DAB1: variants seen among roughly 807,000 people sequenced by gnomAD.
DAB1 encodes disabled homolog 1.
Under a neutral mutation model 64.6 loss-of-function variants are expected in DAB1, and 15 were observed. The ratio of observed to expected loss-of-function variants is 0.23; its 90% CI spans 0.16 to 0.36. The LOEUF (loss-of-function observed/expected upper bound fraction) is 0.36. DAB1 is among the 10% of genes least tolerant of loss of function. DAB1 has a pLI of 1.00. For missense variants in DAB1, 596 were observed against 706.7 expected (o/e 0.84, Z 1.78); for synonymous variants, 235 against 251.9 (o/e 0.93, Z 0.64).
rs1647024185 is a variant in DAB1, at chr1:57,033,307, T to C, written c.724-7264A>G. On this transcript the variant is annotated intron_variant, in intron 9 of 14. Coordinates refer to ENST00000371236, the MANE Select transcript of DAB1 (RefSeq NM_001365792.1). ...AGCAGGGCAGGAAATCTGCCATTCA[T>C]GCAAGCTGGATGAAGAGAATATGGA... The C allele has an allele frequency of 4.8e-6, 7 of 1,472,726 alleles. No homozygotes were observed. The Admixed American group carries it at 1.0e-4, about 21-fold the overall frequency. The allele number at this position is 1,472,726 out of a possible 1,614,324, so 91.2% of individuals were successfully genotyped here. A position where few individuals can be genotyped will look rare whatever the true frequency, so the allele number is the denominator to read the frequency against.
chr1:57,163,662 G>T (rs1660967459), intron 2 of DAB1, among the ~76,000 whole-genome samples: 1 of 152,022 alleles, frequency 6.6e-6, no homozygotes, highest in African/African-American at 2.4e-5. Flanking sequence ...AGAAGCAGGG[G>T]CTAATAATCC....
At chr1:57,617,243 C>A (rs1029785001) in intron 7 of DAB1, among the ~76,000 whole-genome samples, 4 of 152,124 alleles carry the variant, frequency 2.6e-5, no homozygotes, top group Non-Finnish European at 4.4e-5. Context: ...GGGTATGAAC[C>A]ATTCCCATCC....
chr1:57,471,200 C>A (rs963976758), intron 7 of DAB1, among the ~76,000 whole-genome samples: 3 of 152,138 alleles, frequency 2.0e-5, no homozygotes, highest in Non-Finnish European at 2.9e-5. Context: ...AGCAAGATAG[C>A]CTAATATTAC....
At chr1:57,300,120 C>T (rs1374933447) in intron 1 of DAB1, among the ~76,000 whole-genome samples, 3 of 152,124 alleles carry the variant, frequency 2.0e-5, no homozygotes, top group Non-Finnish European at 4.4e-5. Context: ...ACAGAGCCTT[C>T]CATGTTGTAT....
At chr1:57,915,221 A>G (rs912947009) in intron 5 of DAB1, among the ~76,000 whole-genome samples, 2 of 151,916 alleles carry the variant, frequency 1.3e-5, no homozygotes, top group Admixed American at 6.6e-5. Flanking sequence ...GAATGGCAAA[A>G]CTATTACTTT....
chr1:58,232,584 G>A (rs910034696), intron 4 of DAB1, among the ~76,000 whole-genome samples: 1 of 151,896 alleles, frequency 6.6e-6, no homozygotes, highest in African/African-American at 2.4e-5. Context: ...AAGAAAGAAG[G>A]AGGGAGAAGG....
chr1:58,175,886 CTA>C, intron 4 of DAB1, among the ~76,000 whole-genome samples: 1 of 152,226 alleles, frequency 6.6e-6, no homozygotes, highest in East Asian at 1.9e-4. Flanking sequence ...ACAGATGCGT[CTA>C]TATGTGTCAC....
At chr1:58,107,971 T>C (rs1445922422) in intron 5 of DAB1, among the ~76,000 whole-genome samples, 4 of 151,842 alleles carry the variant, frequency 2.6e-5, no homozygotes, top group African/African-American at 4.8e-5. Flanking sequence ...GGGAGGAAAA[T>C]GAATGGGGAA....
chr1:58,137,605 C>T (rs1654020846), intron 5 of DAB1, among the ~76,000 whole-genome samples: 1 of 152,202 alleles, frequency 6.6e-6, no homozygotes, highest in African/African-American at 2.4e-5. Flanking sequence ...AATCATCCAT[C>T]CATCCCCCAT....
At chr1:58,249,225 C>T (rs1256852209) in intron 4 of DAB1, among the ~76,000 whole-genome samples, 2 of 151,978 alleles carry the variant, frequency 1.3e-5, no homozygotes, top group African/African-American at 4.8e-5. Flanking sequence ...ACCCCCACAA[C>T]CTCTGCCACC....
chr1:58,459,156 G>A (rs766572120), intron 3 of DAB1, among the ~76,000 whole-genome samples: 10 of 152,160 alleles, frequency 6.6e-5, no homozygotes, highest in South Asian at 2.1e-4. Flanking sequence ...AATTAAAACC[G>A]CCAAAGAACA....
At chr1:57,278,460 A>G (rs1424771741) in intron 2 of DAB1, among the ~76,000 whole-genome samples, 4 of 152,206 alleles carry the variant, frequency 2.6e-5, no homozygotes, top group African/African-American at 9.6e-5. Context: ...TGAACACACA[A>G]TATAGAAGGG....
chr1:57,287,160 T>A (rs1672382576), intron 2 of DAB1, among the ~76,000 whole-genome samples: 1 of 152,210 alleles, frequency 6.6e-6, no homozygotes, highest in African/African-American at 2.4e-5. Context: ...CAAACTCCAA[T>A]TCATGGGCTC....
chr1:57,684,843 C>T (rs992597054), intron 6 of DAB1, among the ~76,000 whole-genome samples: 1 of 152,162 alleles, frequency 6.6e-6, no homozygotes, highest in Non-Finnish European at 1.5e-5. Flanking sequence ...AGAGACAAGA[C>T]CTGACTGCTG....
intron 6 of DAB1, among the ~76,000 whole-genome samples, chr1:57,800,963 C>T (rs931244639): frequency 4.6e-5 from 7 of 152,180 alleles, no homozygotes; most frequent in Non-Finnish European, 7.3e-5. Flanking sequence ...CTATGCCAAG[C>T]TTGAAATTGG....
chr1:57,206,705 C>T (rs1665566754), intron 2 of DAB1, among the ~76,000 whole-genome samples: 1 of 152,100 alleles, frequency 6.6e-6, no homozygotes, highest in Non-Finnish European at 1.5e-5. Context: ...CTTTTGCTGG[C>T]CAGTGTCTAT....
At chr1:57,289,391 G>GC (rs1672585645) in intron 2 of DAB1, among the ~76,000 whole-genome samples, 1 of 152,168 alleles carries the variant, frequency 6.6e-6, no homozygotes, top group Non-Finnish European at 1.5e-5. Context: ...ACTGGGCTCT[G>GC]CGACCTCTTT....
At chr1:57,727,817 C>A (rs1647249546) in intron 6 of DAB1, among the ~76,000 whole-genome samples, 1 of 151,752 alleles carries the variant, frequency 6.6e-6, no homozygotes, top group South Asian at 2.1e-4. Context: ...GTTGGAAAAT[C>A]CTGCTTAATT....
intron 3 of DAB1, among the ~76,000 whole-genome samples, chr1:58,413,062 C>T (rs1205123911): frequency 1.3e-5 from 2 of 152,152 alleles, no homozygotes; most frequent in African/African-American, 4.8e-5. Flanking sequence ...AGCTGGCGAT[C>T]GTCCCTGGAC....
Sources: allele counts gnomAD v4.1 joint callset (sites outside exome capture counted in the v4.1 genomes callset), GRCh38; gene constraint gnomAD v4.1.1; transcripts MANE v1.5; gene names NCBI Gene and HGNC (gene_info 2026-07-23, HGNC 2026-07-21).